The following AP3D1 variants were observed in gnomAD, a reference collection of about 807,000 sequenced individuals.
AP3D1 encodes the protein adaptor related protein complex 3 subunit delta 1, also known as AP-3 complex subunit delta-1.
AP3D1 carries 51 observed loss-of-function variants against 147.6 expected under a neutral mutation model. The ratio of observed to expected loss-of-function variants is 0.35; its 90% CI spans 0.28 to 0.44. The LOEUF (loss-of-function observed/expected upper bound fraction) is 0.44. AP3D1 is among the 20% of genes least tolerant of loss of function. The probability of loss-of-function intolerance (pLI) is 1.00; values close to 1 mark genes in which losing one functional copy is unlikely to be tolerated. For missense variants in AP3D1, 1,421 were observed against 1,624.2 expected (o/e 0.87, Z 2.15); for synonymous variants, 760 against 663.0 (o/e 1.15, Z -2.25).
chr19:2,117,444 C>G, intron 15 of AP3D1, 77 bp from the exon 16 acceptor site: 5 of 1,446,428 alleles, frequency 3.5e-6, no homozygotes, highest in South Asian at 1.4e-5. Flanking sequence ...CGGGGTGGCT[C>G]AGCCCCTGGC....
rs567842025 is a variant in AP3D1, at chr19:2,143,845, T to A, written c.97-5131A>T. ...GCTCACGCCTGTAATCCCAGCACTT[T>A]GGGAGGCCGAGGCGGGTGCATCGCC... On this transcript the variant is annotated intron_variant, in intron 1 of 31. Transcript: ENST00000643116. Among the ~76,000 whole-genome samples the A allele has an allele frequency of 2.6e-5, 4 of 152,036 alleles. No homozygotes were observed. In the South Asian group the frequency reaches 8.3e-4, roughly 32 times the overall value.
At chr19:2,115,997 G>A (rs903285310) in intron 18 of AP3D1, among the ~76,000 whole-genome samples, 3 of 152,252 alleles carry the variant, frequency 2.0e-5, no homozygotes, top group Non-Finnish European at 2.9e-5. Flanking sequence ...GCTGCCAGGC[G>A]CAGGGAACAG....
intron 4 of AP3D1, among the ~76,000 whole-genome samples, 169 bp downstream of exon 4, chr19:2,136,842 G>A (rs35286760): frequency 2.4e-3 from 358 of 152,306 alleles, no homozygotes; most frequent in Middle Eastern, 6.8e-3. Context: ...CAGACCCGCC[G>A]GGCCTCCTCT....
intron 1 of AP3D1, among the ~76,000 whole-genome samples, chr19:2,144,326 T>C (rs867289379): frequency 6.6e-6 from 1 of 152,310 alleles, no homozygotes; most frequent in South Asian, 2.1e-4. Context: ...TCTCTTGTTG[T>C]GGACAGGCTC....
intron 1 of AP3D1, among the ~76,000 whole-genome samples, chr19:2,143,374 G>T (rs2019273010): frequency 6.6e-6 from 1 of 151,272 alleles, no homozygotes; most frequent in Non-Finnish European, 1.5e-5. Context: ...CCAAGTAGCT[G>T]GGACTACAGG....
chr19:2,134,253 A>C (rs2019021214), intron 4 of AP3D1, among the ~76,000 whole-genome samples: 1 of 151,950 alleles, frequency 6.6e-6, no homozygotes, highest in African/African-American at 2.4e-5. Context: ...CCCTGCCTCT[A>C]CAAAAAATAC....
At chr19:2,155,138 G>A (rs930571621), upstream of AP3D1, among the ~76,000 whole-genome samples, 1 of 151,960 alleles carries the variant, frequency 6.6e-6, no homozygotes, top group Admixed American at 6.6e-5. Flanking sequence ...CCGAGATCGC[G>A]CCATTGCACT....
Position 2,137,742 on chromosome 19 carries a change from G to T in AP3D1, c.258C>A (p.Ser86=). 1 of 1,613,918 alleles carries T rather than the reference G, an allele frequency of 6.2e-7. No individual in the cohort carries two copies. The highest frequency in any genetic ancestry group is 1.3e-5 in the African/African-American group (1 of 75,012). Residue 86 remains serine, a synonymous_variant, in exon 3 of 32, where the codon TCC becomes TCA. Coordinates refer to ENST00000643116, the MANE Select transcript of AP3D1 (RefSeq NM_001261826.3). ...AFNIIEVMSA[S]KFTFKRIGYL... is the part of the protein sequence containing the mutation. Reference sequence around the variant, plus strand: ...AGAACCTCACCTTGAAGGTGAACTTGGAGGCACTCATCACTTCTATGATGT... The same window carrying T: ...AGAACCTCACCTTGAAGGTGAACTTTGAGGCACTCATCACTTCTATGATGT...
At chr19:2,111,496 C>T (rs2018275512) in intron 25 of AP3D1, 164 bp from the exon 26 acceptor site, 1 of 1,199,498 alleles carries the variant, frequency 8.3e-7, no homozygotes, top group African/African-American at 1.5e-5. Context: ...CAGGACCACA[C>T]AGCCCACCAC....
Position 2,117,310 on chromosome 19 carries a change from G to T in AP3D1, c.1771C>A (p.Pro591Thr), listed in dbSNP as rs768284398. The T allele has an allele frequency of 6.2e-7, 1 of 1,612,642 alleles. No individual in the cohort carries two copies. The highest frequency in any genetic ancestry group is 1.3e-5 in the African/African-American group (1 of 74,904). Residue 591 changes from proline to threonine, a missense_variant, in exon 16 of 32, where the codon CCT becomes ACT. Around this residue, in one of 6 missense-constraint regions of AP3D1, gnomAD observed 310 missense variants for 388.1 expected, o/e 0.80. Coordinates refer to ENST00000643116, the MANE Select transcript of AP3D1 (RefSeq NM_001261826.3). The part of the protein sequence containing the change: ...HIQKLQAKDV[P>T]VAEEVSALFA... The stretch of plus-strand genomic sequence containing the variant: ...AGAGCGCTGACCTCCTCTGCCACAG[G>T]CACGTCCTTGGCCTGAAGCTTCTGG...
intron 9 of AP3D1, among the ~76,000 whole-genome samples, chr19:2,125,642 G>A (rs1049219863): frequency 6.6e-6 from 1 of 152,114 alleles, no homozygotes; most frequent in Non-Finnish European, 1.5e-5. Flanking sequence ...GAATATAAAA[G>A]TAGATGGTAA....
At chr19:2,159,104 C>T (rs1333396693) in intron 1 of AP3D1, among the ~76,000 whole-genome samples, 1 of 152,196 alleles carries the variant, frequency 6.6e-6, no homozygotes, top group Non-Finnish European at 1.5e-5. Context: ...ATTCTCCTGC[C>T]TCAGCCTCCC....
chr19:2,140,486 T>TA (rs1224103661), intron 1 of AP3D1, among the ~76,000 whole-genome samples: 1 of 151,670 alleles, frequency 6.6e-6, no homozygotes, highest in African/African-American at 2.4e-5. Context: ...TTGACTTTTT[T>TA]TTTTTTTGAG....
Position 2,109,826 on chromosome 19 carries a change from G to A in AP3D1, c.3350+47C>T, listed in dbSNP as rs775554273. 4 of 1,565,586 alleles carry A rather than the reference G, an allele frequency of 2.6e-6. No homozygotes were observed. In the African/African-American group the frequency reaches 5.4e-5, roughly 21 times the overall value. On this transcript the variant is annotated intron_variant, in intron 29 of 31. Transcript: ENST00000643116. Reference sequence around the variant, plus strand: ...GCACAGGTGTCTGCAAGGTAGAGGGGAGGCGGAGGGGGTTCGGGGACATAG... The same window carrying A: ...GCACAGGTGTCTGCAAGGTAGAGGGAAGGCGGAGGGGGTTCGGGGACATAG...
intron 1 of AP3D1, among the ~76,000 whole-genome samples, chr19:2,162,821 C>T (rs368114001): frequency 2.6e-5 from 4 of 152,084 alleles, no homozygotes; most frequent in African/African-American, 4.8e-5. Context: ...ACTCTCCCAA[C>T]GTCACCCAGC....
At chr19:2,163,005 G>C (rs2019754223) in intron 1 of AP3D1, among the ~76,000 whole-genome samples, 1 of 152,120 alleles carries the variant, frequency 6.6e-6, no homozygotes, top group South Asian at 2.1e-4. Context: ...AGCTGTCCTT[G>C]TTCATCCCTG....
In AP3D1 at chr19:2,122,463, G is replaced by A. The variant is rs191265598; in HGVS notation, c.956-584C>T. On this transcript the variant is annotated intron_variant, in intron 11 of 31. Coordinates refer to ENST00000643116, the MANE Select transcript of AP3D1 (RefSeq NM_001261826.3). ...AGACAGACACCGTGAGGTCCACGGA[G>A]AAAACGCAGTAGTCCCCACCTACCC... Among the ~76,000 whole-genome samples the A allele has an allele frequency of 3.6e-4, 55 of 152,356 alleles. No individual in the cohort carries two copies. The Middle Eastern group carries it at 0.014, about 38-fold the overall frequency.
chr19:2,123,299 C>T (rs2018660325), intron 11 of AP3D1, 59 bp downstream of exon 11: 2 of 1,548,800 alleles, frequency 1.3e-6, no homozygotes, highest in African/African-American at 1.4e-5. Flanking sequence ...CTAGGAGGAC[C>T]CCTAACTTCA....
chr19:2,117,244 T>C lies in AP3D1; in HGVS notation c.1837A>G (p.Lys613Glu), dbSNP rs1251165176. The change falls in exon 16 of 32, where the codon AAG becomes GAG. Residue 613 changes from lysine (K) to glutamate (E), a missense_variant. Physicochemically the swap from Lys to Glu is moderately conservative, Grantham distance 56. Coordinates refer to ENST00000643116, the MANE Select transcript of AP3D1 (RefSeq NM_001261826.3). ...ELNPVAPKAQ[K>E]KVPVPEGLDL... ...TACCCTTCGGGGACTGGAACCTTCT[T>C]CTGGGCCTTGGGGGCCACTGGGTTC... The C allele has an allele frequency of 6.2e-7, 1 of 1,611,362 alleles. No homozygotes were observed.
Sources: allele counts gnomAD v4.1 joint callset (sites outside exome capture counted in the v4.1 genomes callset), GRCh38; gene constraint gnomAD v4.1.1; regional missense constraint gnomAD v4.1.1; transcripts MANE v1.5; gene names NCBI Gene and HGNC (gene_info 2026-07-23, HGNC 2026-07-21).